Variants in REXO1 observed in about 807,000 individuals in gnomAD.
The protein encoded by REXO1 is REX1, RNA exonuclease 1 homolog.
A neutral mutation model predicts 102.6 loss-of-function variants in REXO1; 42 were observed. The ratio of observed to expected loss-of-function variants is 0.41; its 90% CI spans 0.32 to 0.53. The LOEUF (loss-of-function observed/expected upper bound fraction) is 0.53, where lower values mean the gene tolerates loss of function less well. Ranked by LOEUF, REXO1 falls within the 20% of genes least tolerant of loss-of-function variation. The pLI is 0.27. For missense variants in REXO1, 1,819 were observed against 1,732.5 expected, an observed-to-expected ratio of 1.05 and a Z score of -0.89; for synonymous variants, 908 against 779.1, an observed-to-expected ratio of 1.17 and a Z score of -2.76.
chr19:1,834,521 C>T (rs2069986590), intron 1 of REXO1, among the ~76,000 whole-genome samples: 1 of 152,216 alleles, frequency 6.6e-6, no homozygotes, highest in African/African-American at 2.4e-5. Context: ...TCCAGCGATC[C>T]TCCCGCCTCA....
chr19:1,816,600 C>T (rs2069371109), intron 13 of REXO1, 31 bp from the exon 14 acceptor site: 20 of 1,578,640 alleles, frequency 1.3e-5, no homozygotes, highest in Non-Finnish European at 1.6e-5. Context: ...GGCACCAGGG[C>T]TCAGCCTGGA....
intron 1 of REXO1, among the ~76,000 whole-genome samples, chr19:1,832,572 T>A (rs908871790): frequency 6.6e-6 from 1 of 152,066 alleles, no homozygotes; most frequent in East Asian, 1.9e-4. Flanking sequence ...TCTTTAAAAT[T>A]ACATTTAGGG....
At chr19:1,847,712 C>G (rs1427220643) in intron 1 of REXO1, among the ~76,000 whole-genome samples, 1 of 152,228 alleles carries the variant, frequency 6.6e-6, no homozygotes, top group Non-Finnish European at 1.5e-5. Flanking sequence ...AGAGACGATC[C>G]TCGGACCATC....
chr19:1,832,299 T>C (rs979453620), intron 1 of REXO1, among the ~76,000 whole-genome samples: 17 of 152,304 alleles, frequency 1.1e-4, no homozygotes, highest in South Asian at 2.1e-4. Flanking sequence ...GAGGCTGACT[T>C]TGGACTTCCC....
At chr19:1,822,033 C>T (rs1024451548) in intron 4 of REXO1, 2 of 509,516 alleles carry the variant, frequency 3.9e-6, no homozygotes, top group Non-Finnish European at 6.8e-6. Flanking sequence ...CGGGTGCCCC[C>T]ACCTGCTCAT....
intron 1 of REXO1, among the ~76,000 whole-genome samples, chr19:1,840,932 C>T (rs1016616735): frequency 6.6e-6 from 1 of 152,242 alleles, no homozygotes; most frequent in Non-Finnish European, 1.5e-5. Context: ...CCCCCAACCA[C>T]TCCTTTCCTG....
At chr19:1,830,769 C>T in intron 1 of REXO1, 1 of 209,116 alleles carries the variant, frequency 4.8e-6, no homozygotes, top group Non-Finnish European at 1.0e-5. Context: ...CCATCCCATG[C>T]AGCTTCAACA....
intron 1 of REXO1, among the ~76,000 whole-genome samples, chr19:1,844,602 C>A (rs2011452098): frequency 6.6e-6 from 1 of 152,210 alleles, no homozygotes; most frequent in Non-Finnish European, 1.5e-5. Flanking sequence ...CCCCAGGACT[C>A]CTGCCCTCTA....
In REXO1 at chr19:1,818,574, C is replaced by T. The variant is rs764786781; in HGVS notation, c.2924G>A (p.Arg975His). The T allele has an allele frequency of 3.7e-6, 6 of 1,611,050 alleles. No homozygotes were observed. Among genetic ancestry groups the T allele is most frequent in the East Asian group, 2.2e-5 (1 of 44,816 alleles). The stretch of plus-strand genomic sequence containing the variant: ...GGACACGAGGTACTCGGTGCCACAG[C>T]GGCAGCAGGTCCTGCAGGAAGCTGT... ...PKDSSCRTCC[R>H]CGTEYLVSSS... Residue 975 changes from arginine to histidine, a missense_variant, in exon 10 of 16, where the codon CGC becomes CAC. Physicochemically the swap from Arg to His is conservative, Grantham distance 29. Transcript: ENST00000170168.
chr19:1,826,021 C>A lies in REXO1; in HGVS notation c.1912-78G>T. 9.6e-7 allele frequency: 1 copy of A among 1,038,064 alleles called. No homozygotes were observed. The highest frequency in any genetic ancestry group is 2.5e-5 in the East Asian group (1 of 40,648). 64.3% of individuals were successfully genotyped at this position (1,038,064 alleles called of 1,614,324 possible). A position where few individuals can be genotyped will look rare whatever the true frequency, so the allele number is the denominator to read the frequency against. On this transcript the variant is annotated intron_variant, in intron 2 of 15. Transcript: ENST00000170168. This position sits in a 1 kb window ranked among gnomAD's most constrained non-coding sequence, Gnocchi z 4.3. The stretch of plus-strand genomic sequence containing the variant: ...ACACACCCCAACCTCAAACTGCCCC[C>A]GGCAAGTGGGGAATGGAACAGTCCA...
chr19:1,820,567 G>A (rs1331520880), intron 5 of REXO1, among the ~76,000 whole-genome samples, 172 bp from the exon 6 acceptor site: 2 of 152,192 alleles, frequency 1.3e-5, no homozygotes, highest in East Asian at 3.9e-4. Context: ...GGAGCAGCAG[G>A]GGAAACTGAG....
chr19:1,816,503 A>G lies in REXO1; in HGVS notation c.3384T>C (p.Val1128=), dbSNP rs764072947. Residue 1128 remains valine (V), a synonymous_variant, in exon 14 of 16, where the codon GTT becomes GTC. Coordinates refer to ENST00000170168, the MANE Select transcript of REXO1 (RefSeq NM_020695.4). ...TSVTLRDVQA[V]LLSMFSADTI... ...TGTCAGCGCTGAACATGCTCAGCAG[A>G]ACGGCCTGGACGTCACGCAGCGTGA... The G allele has an allele frequency of 6.2e-7, 1 of 1,612,436 alleles. No individual in the cohort carries two copies.
Position 1,828,309 on chromosome 19 carries a change from G to C in REXO1, c.480C>G (p.Ser160Arg). The change falls in exon 2 of 16, where the codon AGC (serine) becomes AGG (arginine). Residue 160 changes from serine (S) to arginine (R), a missense_variant. Transcript: ENST00000170168. Reference protein sequence around the residue: ...DYSPGSHGLLSPDAGYQPTPL... With the variant: ...DYSPGSHGLLRPDAGYQPTPL... The stretch of plus-strand genomic sequence containing the variant: ...GGGTGGGCTGGTAGCCGGCATCAGG[G>C]CTTAATAGGCCGTGGCTGCCGGGGC... 6.2e-7 allele frequency: 1 copy of C among 1,609,714 alleles called. No individual in the cohort carries two copies. The highest frequency in any genetic ancestry group is 8.5e-7 in the Non-Finnish European group (1 of 1,178,372).
chr19:1,819,913 C>G (rs181016325), intron 7 of REXO1, 21 bp downstream of exon 7: 2 of 1,546,090 alleles, frequency 1.3e-6, no homozygotes, highest in Admixed American at 2.1e-5. Context: ...GAGCCTCCCC[C>G]GCCCACCCGC....
Position 1,827,555 on chromosome 19 carries a change from G to C in REXO1, c.1234C>G (p.Arg412Gly), listed in dbSNP as rs760134970. Residue 412 changes from arginine (R) to glycine (G), a missense_variant, in exon 2 of 16, where the codon CGT becomes GGT. Physicochemically the swap from Arg to Gly is moderately radical, Grantham distance 125. Coordinates refer to ENST00000170168, the MANE Select transcript of REXO1 (RefSeq NM_020695.4). Reference protein sequence around the residue: ...KGRGRPVEKPRADKKGPQASS... With the variant: ...KGRGRPVEKPGADKKGPQASS... Reference sequence around the variant, plus strand: ...GCCTGCGGGCCCTTCTTGTCCGCACGGGGCTTCTCCACAGGCCGCCCTCGG... The same window carrying C: ...GCCTGCGGGCCCTTCTTGTCCGCACCGGGCTTCTCCACAGGCCGCCCTCGG... The C allele has an allele frequency of 6.3e-7, 1 of 1,594,214 alleles. No homozygotes were observed.
chr19:1,845,657 C>G (rs1472317271), intron 1 of REXO1, among the ~76,000 whole-genome samples: 2 of 152,108 alleles, frequency 1.3e-5, no homozygotes, highest in Non-Finnish European at 2.9e-5. Flanking sequence ...AAGTGAGACC[C>G]TGTCTCAAAA....
In REXO1 at chr19:1,827,386, G is replaced by A. The variant is rs538132404; in HGVS notation, c.1403C>T (p.Ala468Val). The A allele has an allele frequency of 7.2e-6, 11 of 1,536,334 alleles. No individual in the cohort carries two copies. The East Asian group carries it at 9.4e-5, about 13-fold the overall frequency. ...PSPTSGDSRP[A>V]AGRGPPRPLQ... ...GGGGCGGGGTGGGCCTCTGCCGGCC[G>A]CCGGTCGGGAGTCCCCGCTTGTGGG... Residue 468 changes from alanine to valine, a missense_variant, in exon 2 of 16, where the codon GCG (alanine) becomes GTG (valine). Ala to Val is a moderately conservative substitution (Grantham distance 64, BLOSUM62 0). Transcript: ENST00000170168.
chr19:1,838,826 TC>T (rs1184814422), intron 1 of REXO1, among the ~76,000 whole-genome samples: 3 of 150,174 alleles, frequency 2.0e-5, no homozygotes, highest in Admixed American at 1.3e-4. Context: ...AAGTTAAGAG[TC>T]CAGCTCTCAG....
At chr19:1,817,416 G>T in intron 11 of REXO1, 87 bp from the exon 12 acceptor site, 1 of 1,562,602 alleles carries the variant, frequency 6.4e-7, no homozygotes, top group South Asian at 1.2e-5. Flanking sequence ...AGCCCTTCGG[G>T]ACCATCCTAT....
Sources: gnomAD v4.1 joint callset for allele counts (sites outside exome capture counted in the v4.1 genomes callset) on GRCh38, gnomAD v4.1.1 for gene constraint, Gnocchi (gnomAD v3.1) non-coding constraint, MANE v1.5 for transcripts, NCBI Gene and HGNC (gene_info 2026-07-23, HGNC 2026-07-21) for gene names.